The following RBM10 variants were observed in gnomAD, a reference collection of about 807,000 sequenced individuals.
RBM10 encodes the protein RNA binding motif protein 10, also known as RNA-binding protein 10.
A neutral mutation model predicts 84.9 loss-of-function variants in RBM10; 1 was observed. The observed-to-expected ratio is 0.01, with a 90% confidence interval of 0.00 to 0.06. The LOEUF (loss-of-function observed/expected upper bound fraction) is 0.06. Among genes scored for constraint, RBM10 ranks in the 10% least tolerant of loss-of-function variants. The pLI is 1.00. For synonymous variants in RBM10, 326 were observed against 344.5 expected (o/e 0.95, Z 0.60); for missense variants, 438 against 839.0 (o/e 0.52, Z 5.90).
At chrX:47,182,111 T>A (rs369859592) in intron 16 of RBM10, 51 bp from the exon 17 acceptor site, 3 of 1,209,059 alleles carry the variant, frequency 2.5e-6, no homozygotes, top group African/African-American at 3.5e-5. Context: ...CCCTGCAGGT[T>A]CCCTTCACAA....
intron 1 of RBM10, among the ~76,000 whole-genome samples, chrX:47,145,964 ACT>A (rs1324879508): frequency 6.5e-5 from 6 of 92,848 alleles, no homozygotes; most frequent in Non-Finnish European, 1.1e-4. Flanking sequence ...GCGGTCTGTG[ACT>A]CTGATCCTTA....
chrX:47,163,467 A>G (rs185781491), intron 2 of RBM10, among the ~76,000 whole-genome samples: 3 of 112,170 alleles, frequency 2.7e-5, no homozygotes, highest in Admixed American at 1.9e-4. Context: ...GACTTCATCA[A>G]AATTAGAAAC....
Position 47,182,242 on chromosome X carries a change from G to A in RBM10, c.1866G>A (p.Ser622=), listed in dbSNP as rs782563652. Residue 622 remains serine, a synonymous_variant, in exon 17 of 24, where the codon TCG becomes TCA. Coordinates refer to ENST00000377604, the MANE Select transcript of RBM10 (RefSeq NM_005676.5). ...RRTYVPALEQ[S]ADGHKETGAP... is the part of the protein sequence containing the mutation. Reference sequence around the variant, plus strand: ...CCTATGTTCCCGCCCTGGAGCAGTCGGCCGACGGACATAAGGAGACAGGGG... The same window carrying A: ...CCTATGTTCCCGCCCTGGAGCAGTCAGCCGACGGACATAAGGAGACAGGGG... The A allele has an allele frequency of 5.8e-6, 7 of 1,210,159 alleles. No homozygotes were observed. Among genetic ancestry groups the A allele is most frequent in the Non-Finnish European group, 6.7e-6 (6 of 895,221 alleles).
Position 47,147,380 on chromosome X carries a change from A to G in RBM10, c.-102A>G. On this transcript the variant is annotated 5_prime_UTR_variant, in exon 2 of 24. Coordinates refer to ENST00000377604, the MANE Select transcript of RBM10 (RefSeq NM_005676.5). ...AGAGTCCCTGCAGGAAGCATCACCC[A>G]GGCTGGCAGATCATGGTAGCAGCAG... The G allele has an allele frequency of 1.7e-6, 2 of 1,205,313 alleles. No individual in the cohort carries two copies. Among genetic ancestry groups the G allele is most frequent in the Non-Finnish European group, 2.2e-6 (2 of 891,809 alleles).
intron 17 of RBM10, 81 bp from the exon 18 acceptor site, chrX:47,184,974 A>G (rs2147208305): frequency 1.8e-6 from 2 of 1,087,000 alleles, no homozygotes; most frequent in Non-Finnish European, 2.5e-6. Context: ...TTGAGGATGC[A>G]GGGCAGTGGG....
rs782749562 is a variant in RBM10 at position 47,186,698 on chromosome X, C to T, written c.*99C>T. The T allele has an allele frequency of 1.9e-6, 2 of 1,040,167 alleles. No homozygotes were observed. Among genetic ancestry groups the T allele is most frequent in the East Asian group, 3.1e-5 (1 of 32,623 alleles). 85.7% of individuals were successfully genotyped at this position (1,040,167 alleles called of 1,213,427 possible). A position where few individuals can be genotyped will look rare whatever the true frequency, so the allele number is the denominator to read the frequency against. On this transcript the variant is annotated 3_prime_UTR_variant, in exon 24 of 24. Transcript: ENST00000377604. ...TGGGACGGGGCCTTGCTCTTGTCGG[C>T]CAGCCCACTCCCCAGCCAGAGAGGG...
intron 2 of RBM10, among the ~76,000 whole-genome samples, chrX:47,149,790 T>C (rs1406447062): frequency 9.0e-6 from 1 of 110,721 alleles, no homozygotes; most frequent in Non-Finnish European, 1.9e-5. Context: ...AGTAGATGCC[T>C]GTTGTTAATT....
At chrX:47,162,673 A>C (rs1309038965) in intron 2 of RBM10, among the ~76,000 whole-genome samples, 1 of 109,848 alleles carries the variant, frequency 9.1e-6, no homozygotes, top group East Asian at 2.9e-4. Flanking sequence ...CAGGAGATCG[A>C]GACCAGCCTG....
chrX:47,148,853 A>G (rs1331212498), intron 2 of RBM10, among the ~76,000 whole-genome samples: 2 of 16,566 alleles, frequency 1.2e-4, no homozygotes, highest in African/African-American at 2.5e-4. Context: ...TCTATGATAC[A>G]TATCATAGAA....
At chrX:47,147,311 T>C (rs2147063575) in intron 1 of RBM10, 46 bp from the exon 2 acceptor site, 1 of 1,136,186 alleles carries the variant, frequency 8.8e-7, no homozygotes, top group Non-Finnish European at 1.2e-6. Context: ...GGAGGCCCTC[T>C]CAGTCCCAAC....
At chrX:47,170,088 C>G (rs1355729471) in intron 3 of RBM10, among the ~76,000 whole-genome samples, 1 of 113,371 alleles carries the variant, frequency 8.8e-6, no homozygotes, top group Non-Finnish European at 1.9e-5. Flanking sequence ...TAGGGGAATC[C>G]CAGTTGGAGG....
intron 7 of RBM10, among the ~76,000 whole-genome samples, chrX:47,178,449 C>T (rs1242370569): frequency 1.8e-5 from 2 of 111,752 alleles, no homozygotes; most frequent in African/African-American, 6.5e-5. Context: ...CTGGATGGTC[C>T]ATGCAGACCG....
intron 2 of RBM10, among the ~76,000 whole-genome samples, chrX:47,148,479 G>C (rs529895777): frequency 4.9e-4 from 55 of 111,211 alleles, no homozygotes; most frequent in African/African-American, 1.6e-3. Context: ...CCAGTTCAAG[G>C]TAGGTTTCTG....
chrX:47,158,844 C>A (rs1933405417), intron 2 of RBM10, among the ~76,000 whole-genome samples: 1 of 112,278 alleles, frequency 8.9e-6, no homozygotes, highest in South Asian at 3.7e-4. Context: ...GTCTAGTGAT[C>A]CCCAATGTCT....
At chrX:47,182,351 C>G (rs2147200740) in intron 17 of RBM10, 25 bp downstream of exon 17, 2 of 1,190,115 alleles carry the variant, frequency 1.7e-6, no homozygotes, top group Non-Finnish European at 2.3e-6. Context: ...CCAGCAGTCA[C>G]TGGCTGGCTG....
chrX:47,171,799 C>A (rs1319027623), intron 4 of RBM10, among the ~76,000 whole-genome samples: 1 of 111,912 alleles, frequency 8.9e-6, no homozygotes, highest in Non-Finnish European at 1.9e-5. Flanking sequence ...ACATACTTCT[C>A]ATGACAGCCA....
chrX:47,185,388 G>A (rs1443183303), intron 19 of RBM10, 21 bp downstream of exon 19: 1 of 1,184,079 alleles, frequency 8.4e-7, no homozygotes, highest in African/African-American at 1.8e-5. Flanking sequence ...AAGGCAGAGA[G>A]GGGCGGGGGC....
chrX:47,164,121 G>A (rs782231934), intron 2 of RBM10, among the ~76,000 whole-genome samples: 5 of 109,818 alleles, frequency 4.6e-5, no homozygotes, highest in Non-Finnish European at 7.6e-5. Flanking sequence ...TGCCCACATT[G>A]GCCTCCCAAA....
At chrX:47,165,593 C>T (rs1478053360) in intron 2 of RBM10, among the ~76,000 whole-genome samples, 4 of 109,328 alleles carry the variant, frequency 3.7e-5, no homozygotes, top group Non-Finnish European at 7.6e-5. Context: ...CTGAGGCAGG[C>T]GGATCACCTG....
Sources: gnomAD v4.1 joint callset for allele counts (sites outside exome capture counted in the v4.1 genomes callset) on GRCh38, gnomAD v4.1.1 for gene constraint, MANE v1.5 for transcripts, NCBI Gene and HGNC (gene_info 2026-07-23, HGNC 2026-07-21) for gene names.